VPS41: variants seen among roughly 807,000 people sequenced by gnomAD.
The protein encoded by VPS41 is vacuolar protein sorting-associated protein 41 homolog.
VPS41 carries 85 observed loss-of-function variants against 130.9 expected under a neutral mutation model. The observed-to-expected ratio is 0.65, with a 90% CI of 0.55 to 0.78. The LOEUF (loss-of-function observed/expected upper bound fraction) is 0.78, where lower values mean the gene tolerates loss of function less well. VPS41 is among the 30% of genes least tolerant of loss of function. The pLI, the probability that VPS41 is intolerant of heterozygous loss-of-function variation, is 0.00. For missense variants in VPS41, 874 were observed against 1,018.7 expected (o/e 0.86, Z 1.93); for synonymous variants, 335 against 332.9 (o/e 1.01, Z -0.07).
At chr7:38,820,632 C>G (rs183887994) in intron 6 of VPS41, among the ~76,000 whole-genome samples, 320 of 152,286 alleles carry the variant, frequency 2.1e-3, no homozygotes, top group African/African-American at 7.5e-3. Context: ...GAATGTAAAG[C>G]CAGCCCAATC....
rs1186264571 is a variant in VPS41 at position 38,789,807 on chromosome 7, C to T, written c.778G>A (p.Glu260Lys). 1 of 1,613,690 alleles carries T rather than the reference C, an allele frequency of 6.2e-7. No homozygotes were observed. Among genetic ancestry groups the T allele is most frequent in the Non-Finnish European group, 8.5e-7 (1 of 1,179,684 alleles). The change falls in exon 10 of 29, where the codon GAA becomes AAA. Residue 260 changes from glutamate (E) to lysine (K), a missense_variant. Coordinates refer to ENST00000310301, the MANE Select transcript of VPS41 (RefSeq NM_014396.4). ...GCAAGTGTTGGAGCCATACCTATTT[C>T]AACATATCGACTTGGCAAATCCCTC... ...EMRDLPSRYV[E>K]IVSQFETEFY...
intron 25 of VPS41, among the ~76,000 whole-genome samples, chr7:38,734,402 T>G (rs989567799): frequency 2.6e-5 from 4 of 152,214 alleles, no homozygotes; most frequent in Non-Finnish European, 4.4e-5. Flanking sequence ...TCCCTTTTCG[T>G]CATTTTGAAG....
chr7:38,806,973 G>A (rs930457656), intron 7 of VPS41, among the ~76,000 whole-genome samples: 3 of 152,200 alleles, frequency 2.0e-5, no homozygotes, highest in African/African-American at 7.2e-5. Context: ...AATCATGTCT[G>A]AATGCAAACA....
intron 7 of VPS41, among the ~76,000 whole-genome samples, chr7:38,801,255 A>C (rs1195262127): frequency 4.6e-5 from 7 of 152,220 alleles, no homozygotes; most frequent in Admixed American, 4.6e-4. Flanking sequence ...AAGAGCAAAG[A>C]AGCTTCTCCC....
chr7:38,741,002 C>T (rs1479178993), intron 25 of VPS41, among the ~76,000 whole-genome samples: 1 of 152,144 alleles, frequency 6.6e-6, no homozygotes, highest in African/African-American at 2.4e-5. Context: ...CTCTGCCATC[C>T]CTTTCATCTC....
At chr7:38,877,280 A>G (rs1338888364) in intron 2 of VPS41, among the ~76,000 whole-genome samples, 3 of 152,138 alleles carry the variant, frequency 2.0e-5, no homozygotes, top group East Asian at 3.9e-4. Context: ...ATATTAACCA[A>G]AGGAACCTCA....
chr7:38,836,586 C>T (rs946483548), intron 4 of VPS41, among the ~76,000 whole-genome samples: 1 of 152,058 alleles, frequency 6.6e-6, no homozygotes, highest in Non-Finnish European at 1.5e-5. Context: ...ATGCAGACTG[C>T]AAACATCTTT....
intron 15 of VPS41, among the ~76,000 whole-genome samples, chr7:38,767,253 T>G (rs1426733055): frequency 6.6e-6 from 1 of 152,142 alleles, no homozygotes; most frequent in Non-Finnish European, 1.5e-5. Flanking sequence ...AGGTAAAGTC[T>G]GAGATCCTTC....
At chr7:38,843,314 T>C (rs1785650755) in intron 4 of VPS41, among the ~76,000 whole-genome samples, 1 of 152,176 alleles carries the variant, frequency 6.6e-6, no homozygotes, top group African/African-American at 2.4e-5. Context: ...GTGACACTAA[T>C]TATATTTCAG....
chr7:38,726,377 ACT>A lies in VPS41; in HGVS notation c.2485-53_2485-52del, dbSNP rs772449785. 81 of 1,432,646 alleles carry A rather than the reference ACT, an allele frequency of 5.7e-5. No homozygotes were observed. The East Asian group carries it at 1.9e-3, about 33-fold the overall frequency. 88.7% of individuals were successfully genotyped at this position (1,432,646 alleles called of 1,614,324 possible). Reference sequence around the variant, plus strand: ...ATTTAAAAAATGATCTTCTTTTTCTACTCTCATATTCAGAAACACTAAGGTAG... The same window carrying A: ...ATTTAAAAAATGATCTTCTTTTTCTACTCATATTCAGAAACACTAAGGTAG... On this transcript the variant is annotated intron_variant, in intron 28 of 28. Transcript: ENST00000310301.
At chr7:38,766,649 G>C (rs996928312) in intron 15 of VPS41, among the ~76,000 whole-genome samples, 6 of 152,164 alleles carry the variant, frequency 3.9e-5, no homozygotes, top group African/African-American at 1.4e-4. Context: ...CCCACATCAT[G>C]GGAGTGACCA....
chr7:38,738,562 AAT>A (rs779781713), intron 25 of VPS41, among the ~76,000 whole-genome samples: 2 of 152,246 alleles, frequency 1.3e-5, no homozygotes, highest in Non-Finnish European at 2.9e-5. Context: ...CTAAATTTAT[AAT>A]GTTTTAAAAA....
At position 38,738,225 on chromosome 7, in the gene VPS41, T is replaced by C. The variant is rs185556871; in HGVS notation, c.2259+3760A>G. On this transcript the variant is annotated intron_variant, in intron 25 of 28. Coordinates refer to ENST00000310301, the MANE Select transcript of VPS41 (RefSeq NM_014396.4). ...AAAAAAACTAAGACCCCACTCTAAT[T>C]AGCAGATTTTTTAGAGATTACTTGT... is the stretch of plus-strand genomic sequence containing the variant. 1.6e-4 allele frequency among the ~76,000 whole-genome samples: 24 copies of C among 152,308 alleles called. 1 individual carries two copies. The East Asian group carries it at 3.1e-3, about 20-fold the overall frequency.
chr7:38,770,869 T>C (rs1047943165), intron 14 of VPS41, among the ~76,000 whole-genome samples: 23 of 152,196 alleles, frequency 1.5e-4, no homozygotes, highest in Non-Finnish European at 5.9e-5. Context: ...AGGAAACCTC[T>C]CTTTTTTTGA....
At chr7:38,782,516 T>C (rs1394753984) in intron 10 of VPS41, among the ~76,000 whole-genome samples, 1 of 152,250 alleles carries the variant, frequency 6.6e-6, no homozygotes, top group Non-Finnish European at 1.5e-5. Context: ...CTAGTTGTTC[T>C]GCTTTTATGG....
intron 14 of VPS41, among the ~76,000 whole-genome samples, chr7:38,769,227 G>C (rs1404286066): frequency 6.6e-6 from 1 of 152,064 alleles, no homozygotes; most frequent in Non-Finnish European, 1.5e-5. Context: ...CCTTGCTCTG[G>C]CTGTTCCAAA....
chr7:38,766,471 G>A (rs1784045136), intron 15 of VPS41, among the ~76,000 whole-genome samples: 1 of 152,164 alleles, frequency 6.6e-6, no homozygotes, highest in African/African-American at 2.4e-5. Flanking sequence ...AACAGCTCTA[G>A]AAATGAGACG....
chr7:38,745,799 A>C, intron 22 of VPS41, 186 bp from the exon 23 acceptor site: 2 of 576,118 alleles, frequency 3.5e-6, no homozygotes, highest in Non-Finnish European at 3.0e-6. Context: ...GAGGTACTGG[A>C]CTCTACACAA....
intron 25 of VPS41, among the ~76,000 whole-genome samples, chr7:38,734,027 AGTGAGCT>A (rs1371020146): frequency 6.6e-5 from 10 of 152,164 alleles, no homozygotes; most frequent in African/African-American, 2.4e-4. Context: ...TCAAGGCTAC[AGTGAGCT>A]GTGACTGCAC....
Sources: allele counts gnomAD v4.1 joint callset (sites outside exome capture counted in the v4.1 genomes callset), GRCh38; gene constraint gnomAD v4.1.1; transcripts MANE v1.5; gene names NCBI Gene and HGNC (gene_info 2026-07-23, HGNC 2026-07-21).